The following CCDC33 variants were observed in gnomAD, a reference collection of about 807,000 sequenced individuals.
CCDC33 encodes coiled-coil domain containing 33.
A neutral mutation model predicts 91.9 loss-of-function variants in CCDC33; 94 were observed. That is an observed-to-expected ratio of 1.02 (90% CI 0.87 to 1.21). The LOEUF (loss-of-function observed/expected upper bound fraction) is 1.21, where lower values mean the gene tolerates loss of function less well. Among genes scored for constraint, CCDC33 ranks in the 50% most tolerant of loss-of-function variants. The pLI is 0.00. For missense variants in CCDC33, 940 were observed against 935.5 expected (o/e 1.00, Z -0.06); for synonymous variants, 396 against 374.5 (o/e 1.06, Z -0.66).
At chr15:74,299,570 G>GGATGGGCAGA (rs2059752567) in intron 11 of CCDC33, 1 of 152,282 alleles carries the variant, frequency 6.6e-6, no homozygotes, top group South Asian at 2.1e-4. Flanking sequence ...GGATGGGCAG[G>GGATGGGCAGA]AATGGGCCTG....
At chr15:74,209,052 C>G in intron 1 of CCDC33, 1 of 1,192,792 alleles carries the variant, frequency 8.4e-7, no homozygotes, top group Non-Finnish European at 1.0e-6. Flanking sequence ...AAGGCAGCTC[C>G]CCCCTTCTCC....
At chr15:74,283,600 C>T (rs2059413598) in intron 10 of CCDC33, among the ~76,000 whole-genome samples, 1 of 152,194 alleles carries the variant, frequency 6.6e-6, no homozygotes, top group Non-Finnish European at 1.5e-5. Context: ...CTGCCGAATT[C>T]ATTTAGCTGC....
rs150285190 is a variant in CCDC33 at position 74,268,805 on chromosome 15, G to C, written c.546+347G>C. 1.7e-3 allele frequency among the ~76,000 whole-genome samples: 257 copies of C among 152,316 alleles called. 4 individuals carry two copies. The South Asian group carries it at 0.038, about 22-fold the overall frequency. ...TCCCCGAATCTTATGCTAGGGGCAG[G>C]GGAGAAGCCCCGTGCTCCCCCTGAG... is the stretch of plus-strand genomic sequence containing the variant. On this transcript the variant is annotated intron_variant, in intron 5 of 18. Transcript: ENST00000398814.
upstream of CCDC33, among the ~76,000 whole-genome samples, chr15:74,215,808 T>C (rs1307800118): frequency 6.8e-6 from 1 of 147,750 alleles, no homozygotes; most frequent in African/African-American, 2.5e-5. Context: ...GAGGCAGAGG[T>C]TGCAGTGAGC....
At chr15:74,310,803 A>G (rs2059979082) in intron 11 of CCDC33, among the ~76,000 whole-genome samples, 1 of 152,104 alleles carries the variant, frequency 6.6e-6, no homozygotes, top group Admixed American at 6.5e-5. Flanking sequence ...GAGGTGTGAG[A>G]GGAACTGAGG....
Position 74,249,330 on chromosome 15 carries a change from CA to C in CCDC33, c.185+5190del, listed in dbSNP as rs925422911. ...TGAAACCCCGTCTCTACTAAAAATA[CA>C]AAAAAAATTAGCCGGGTGTGGTGGC... On this transcript the variant is annotated intron_variant, in intron 2 of 18. Transcript: ENST00000398814. 8.2e-4 allele frequency among the ~76,000 whole-genome samples: 124 copies of C among 151,248 alleles called. 2 individuals are homozygous for C. In the East Asian group the frequency reaches 0.023, roughly 28 times the overall value.
intron 11 of CCDC33, among the ~76,000 whole-genome samples, chr15:74,298,739 A>G (rs1459032849): frequency 2.1e-5 from 2 of 96,106 alleles, no homozygotes; most frequent in African/African-American, 8.0e-5. Context: ...TTTGAGACTG[A>G]GTCTCACTCT....
At chr15:74,306,922 C>T (rs771026826) in intron 11 of CCDC33, among the ~76,000 whole-genome samples, 9 of 152,192 alleles carry the variant, frequency 5.9e-5, no homozygotes, top group Non-Finnish European at 1.3e-4. Context: ...ACTGACCCCT[C>T]CCCTCCTGGG....
chr15:74,215,739 G>A (rs1041646342), upstream of CCDC33, among the ~76,000 whole-genome samples: 3 of 151,892 alleles, frequency 2.0e-5, no homozygotes, highest in Admixed American at 1.3e-4. Flanking sequence ...GCGTGGTGGC[G>A]CATGCCTGTA....
intron 2 of CCDC33, among the ~76,000 whole-genome samples, chr15:74,262,210 C>T (rs941319694): frequency 7.2e-5 from 11 of 152,184 alleles, no homozygotes; most frequent in Admixed American, 6.5e-4. Context: ...AAGTGAGAGG[C>T]TTGTGACTAA....
chr15:74,333,737 C>T (rs1374596858), intron 16 of CCDC33, 144 bp from the exon 17 acceptor site: 8 of 600,334 alleles, frequency 1.3e-5, no homozygotes, highest in Non-Finnish European at 1.8e-5. Context: ...GAAGAGGGTT[C>T]GGCCCAGGTC....
chr15:74,326,382 A>G (rs1443711208), intron 11 of CCDC33, among the ~76,000 whole-genome samples: 1 of 152,172 alleles, frequency 6.6e-6, no homozygotes, highest in Non-Finnish European at 1.5e-5. Context: ...GTTGCCAGGC[A>G]CCCTGTGTGC....
intron 2 of CCDC33, among the ~76,000 whole-genome samples, chr15:74,251,107 G>A (rs537673436): frequency 5.2e-5 from 8 of 152,382 alleles, no homozygotes; most frequent in African/African-American, 1.9e-4. Context: ...CCATGGCCAG[G>A]ATGTAAGCTT....
intron 7 of CCDC33, 41 bp downstream of exon 7, chr15:74,272,932 C>T: frequency 6.2e-7 from 1 of 1,611,720 alleles, no homozygotes; most frequent in Non-Finnish European, 8.5e-7. Context: ...CTGTAACTAC[C>T]CCACACATTC....
At chr15:74,211,146 C>T (rs1033521836) in intron 2 of CCDC33, among the ~76,000 whole-genome samples, 60 of 41,870 alleles carry the variant, frequency 1.4e-3, no homozygotes, top group Non-Finnish European at 2.6e-3. Context: ...CCACTACGCA[C>T]GCACACGCAC....
chr15:74,332,075 G>A (rs1019814914), intron 15 of CCDC33, among the ~76,000 whole-genome samples: 5 of 152,086 alleles, frequency 3.3e-5, no homozygotes, highest in South Asian at 2.1e-4. Context: ...CTTCCCCATC[G>A]ATATTAACCA....
At chr15:74,331,558 G>T (rs1293388076) in intron 15 of CCDC33, among the ~76,000 whole-genome samples, 1 of 152,020 alleles carries the variant, frequency 6.6e-6, no homozygotes, top group Non-Finnish European at 1.5e-5. Flanking sequence ...CTAGAAAGAG[G>T]GTGGACCTCC....
intron 11 of CCDC33, chr15:74,299,756 A>G (rs1012431890): frequency 2.6e-5 from 4 of 152,500 alleles, no homozygotes; most frequent in East Asian, 3.8e-4. Flanking sequence ...ACTCTGTTCC[A>G]GGCACGCCAT....
intron 17 of CCDC33, 71 bp downstream of exon 17, chr15:74,334,038 G>C (rs1455329939): frequency 7.5e-7 from 1 of 1,332,332 alleles, no homozygotes. Context: ...GGCTCAGTGT[G>C]TGAGCAGAGT....
Sources: allele counts gnomAD v4.1 joint callset (sites outside exome capture counted in the v4.1 genomes callset), GRCh38; gene constraint gnomAD v4.1.1; transcripts MANE v1.5; gene names NCBI Gene and HGNC (gene_info 2026-07-23, HGNC 2026-07-21).